ZNF100: variants seen among roughly 807,000 people sequenced by gnomAD.
ZNF100 encodes zinc finger protein 100 (Y1).
A neutral mutation model predicts 15.8 loss-of-function variants in ZNF100; 12 were observed. The observed-to-expected ratio is 0.76, with a 90% CI of 0.49 to 1.23. The LOEUF (loss-of-function observed/expected upper bound fraction) is 1.23. Ranked by LOEUF, ZNF100 falls within the 50% of genes most tolerant of loss-of-function variation. ZNF100 has a pLI of 0.00. For synonymous variants in ZNF100, 226 were observed against 214.8 expected (o/e 1.05, Z -0.45); for missense variants, 670 against 635.6 (o/e 1.05, Z -0.58).
chr19:21,740,791 A>C (rs1195476947), intron 4 of ZNF100, among the ~76,000 whole-genome samples: 1 of 152,238 alleles, frequency 6.6e-6, no homozygotes, highest in Non-Finnish European at 1.5e-5. Flanking sequence ...TGATGATGCA[A>C]TGAAAATGAA....
chr19:21,731,596 C>T (rs2035921411), intron 4 of ZNF100, among the ~76,000 whole-genome samples: 1 of 152,046 alleles, frequency 6.6e-6, no homozygotes, highest in Non-Finnish European at 1.5e-5. Flanking sequence ...CATGAGCCAC[C>T]GTGCCCGGCA....
chr19:21,728,569 A>G (rs1038954895), intron 4 of ZNF100, among the ~76,000 whole-genome samples: 3 of 152,054 alleles, frequency 2.0e-5, no homozygotes, highest in African/African-American at 7.2e-5. Context: ...TCCTTTAACT[A>G]AAAGAGAAAG....
At chr19:21,764,947 T>C (rs2036536120) in intron 2 of ZNF100, among the ~76,000 whole-genome samples, 1 of 152,150 alleles carries the variant, frequency 6.6e-6, no homozygotes, top group Admixed American at 6.6e-5. Flanking sequence ...AAAACTAAAA[T>C]TGAGAGATTT....
intron 2 of ZNF100, among the ~76,000 whole-genome samples, chr19:21,747,844 G>A (rs574653466): frequency 1.3e-5 from 2 of 152,310 alleles, no homozygotes; most frequent in South Asian, 4.1e-4. Flanking sequence ...GCACTGTGCT[G>A]GGCATAACAT....
In ZNF100 at chr19:21,724,187, AAGC is replaced by A. The variant is rs1273603788; in HGVS notation, c.*2493_*2495del. On this transcript the variant is annotated 3_prime_UTR_variant, in exon 5 of 5. Transcript: ENST00000358296. ...AATGTACAGTAATAAATTCAATACA[AAGC>A]AGAGAATACATTTTCTTTTAGCATT... is the stretch of plus-strand genomic sequence containing the variant. 1.3e-5 allele frequency: 2 copies of A among 152,190 alleles called. No homozygotes were observed. Among genetic ancestry groups the A allele is most frequent in the African/African-American group, 4.8e-5 (2 of 41,466 alleles). The allele number at this position is 152,190 out of a possible 1,614,324, so 9.4% of individuals were successfully genotyped here.
chr19:21,745,416 G>C (rs1361618632), intron 2 of ZNF100, among the ~76,000 whole-genome samples: 2 of 152,060 alleles, frequency 1.3e-5, no homozygotes, highest in African/African-American at 4.8e-5. Flanking sequence ...TGTTGAGTTA[G>C]AAGGCACCTC....
At chr19:21,735,731 C>T (rs1460804265) in intron 4 of ZNF100, among the ~76,000 whole-genome samples, 3 of 152,122 alleles carry the variant, frequency 2.0e-5, no homozygotes, top group African/African-American at 7.2e-5. Flanking sequence ...CAAGGAAGGA[C>T]ACTACATAAT....
At position 21,727,722 on chromosome 19, in the gene ZNF100, A is replaced by G. The variant is rs376582989; in HGVS notation, c.590T>C (p.Ile197Thr). The change falls in exon 5 of 5, where the codon ATA becomes ACA. Residue 197 changes from isoleucine to threonine, a missense_variant. By Grantham distance (89) the Ile-to-Thr change is moderately conservative (BLOSUM62 -1). Coordinates refer to ENST00000358296, the MANE Select transcript of ZNF100 (RefSeq NM_173531.4). The part of the protein sequence containing the change: ...HTFSNSNRHK[I>T]RHTRKKPFKC... ...GAAAGGTTTCTTTCTAGTATGTCTT[A>G]TCTTATGTCTGTTTGAATTTGAAAA... is the stretch of plus-strand genomic sequence containing the variant. 6.8e-6 allele frequency: 11 copies of G among 1,611,950 alleles called. No individual in the cohort carries two copies. The highest frequency in any genetic ancestry group is 4.5e-5 in the East Asian group (2 of 44,836).
intron 4 of ZNF100, among the ~76,000 whole-genome samples, chr19:21,728,692 G>T (rs1368941529): frequency 1.3e-5 from 2 of 151,916 alleles, no homozygotes; most frequent in Admixed American, 1.3e-4. Flanking sequence ...TAAAGATTGT[G>T]ACAGGTAGCC....
intron 4 of ZNF100, among the ~76,000 whole-genome samples, chr19:21,743,440 A>G (rs900941759): frequency 2.0e-5 from 3 of 152,216 alleles, no homozygotes; most frequent in African/African-American, 7.2e-5. Flanking sequence ...ATTTATAAGA[A>G]ACTGCAATAA....
At chr19:21,743,396 TTTTTTCCACAGTA>T (rs2036154092) in intron 4 of ZNF100, among the ~76,000 whole-genome samples, 1 of 152,204 alleles carries the variant, frequency 6.6e-6, no homozygotes, top group South Asian at 2.1e-4. Context: ...CCAGTGGCAT[TTTTTTCCACAGTA>T]ATAAAAAATA....
At position 21,724,807 on chromosome 19, in the gene ZNF100, T is replaced by C. The variant is rs1003394213; in HGVS notation, c.*1876A>G. The C allele has an allele frequency of 2.0e-5, 3 of 152,140 alleles. No homozygotes were observed. Among genetic ancestry groups the C allele is most frequent in the Non-Finnish European group, 2.9e-5 (2 of 68,016 alleles). 9.4% of individuals were successfully genotyped at this position (152,140 alleles called of 1,614,324 possible). A position where few individuals can be genotyped will look rare whatever the true frequency, so the allele number is the denominator to read the frequency against. ...TGGCTCATGCCTGTAATCCCAGAAC[T>C]TTGGGAAGCCGAGGCAGGCAAATCA... On this transcript the variant is annotated 3_prime_UTR_variant, in exon 5 of 5. Coordinates refer to ENST00000358296, the MANE Select transcript of ZNF100 (RefSeq NM_173531.4).
At chr19:21,766,313 C>T (rs1599413937) in intron 1 of ZNF100, among the ~76,000 whole-genome samples, 1 of 151,322 alleles carries the variant, frequency 6.6e-6, no homozygotes, top group East Asian at 2.0e-4. Flanking sequence ...CTGCTTGGGA[C>T]ACAGGTGAAA....
intron 2 of ZNF100, among the ~76,000 whole-genome samples, chr19:21,761,528 A>G (rs1378176874): frequency 6.6e-6 from 1 of 152,234 alleles, no homozygotes; most frequent in Non-Finnish European, 1.5e-5. Flanking sequence ...GTTCCTGGCT[A>G]GCGGTAAATA....
rs755626997 is a variant in ZNF100 at position 21,726,853 on chromosome 19, A to C, written c.1459T>G (p.Cys487Gly). ...TTAAAAGCTTTGCCACATTCCTCAC[A>C]TTTGTAGGGTTTCTCTCCAGTATGA... ...MIHTGEKPYK[C>G]EECGKAFNRS... Residue 487 changes from cysteine to glycine, a missense_variant, in exon 5 of 5, where the codon TGT becomes GGT. Cys to Gly is a radical substitution (Grantham distance 159). Transcript: ENST00000358296. 1.2e-5 allele frequency: 20 copies of C among 1,613,306 alleles called. No individual in the cohort carries two copies. In the South Asian group the frequency reaches 2.1e-4, roughly 17 times the overall value.
intron 3 of ZNF100, 121 bp from the exon 4 acceptor site, chr19:21,744,236 A>C: frequency 1.1e-6 from 1 of 904,706 alleles, no homozygotes; most frequent in Non-Finnish European, 1.5e-6. Context: ...GTACTAATTA[A>C]TGAGAGAAAT....
At position 21,726,269 on chromosome 19, in the gene ZNF100, AGT is replaced by A. The variant is rs1166870357; in HGVS notation, c.*412_*413del. 1 of 165,596 alleles carries A rather than the reference AGT, an allele frequency of 6.0e-6. No individual in the cohort carries two copies. Among genetic ancestry groups the A allele is most frequent in the Non-Finnish European group, 1.3e-5 (1 of 76,512 alleles). 10.3% of individuals were successfully genotyped at this position (165,596 alleles called of 1,614,324 possible). A position where few individuals can be genotyped will look rare whatever the true frequency, so the allele number is the denominator to read the frequency against. ...GAGCATGTATTAATGGCTTTTTCAC[AGT>A]CTTTATATTTGTACAATATTTCTCA... On this transcript the variant is annotated 3_prime_UTR_variant, in exon 5 of 5. Coordinates refer to ENST00000358296, the MANE Select transcript of ZNF100 (RefSeq NM_173531.4).
chr19:21,726,028 T>C lies in ZNF100; in HGVS notation c.*655A>G, dbSNP rs572011911. The stretch of plus-strand genomic sequence containing the variant: ...TTTTTTCAATATAAATTCCCTGATA[T>C]TGAACAAAGTTTGAGCAACTGCTTC... On this transcript the variant is annotated 3_prime_UTR_variant, in exon 5 of 5. Transcript: ENST00000358296. 1 of 152,276 alleles carries C rather than the reference T, an allele frequency of 6.6e-6. No individual in the cohort carries two copies. Among genetic ancestry groups the C allele is most frequent in the East Asian group, 1.9e-4 (1 of 5,192 alleles). The allele number at this position is 152,276 out of a possible 1,614,324, so 9.4% of individuals were successfully genotyped here.
At chr19:21,750,665 G>A (rs2036288279) in intron 2 of ZNF100, 2 of 225,818 alleles carry the variant, frequency 8.9e-6, no homozygotes, top group Admixed American at 5.7e-5. Context: ...AGCGTGCAGG[G>A]AGGCCGGAGC....
Sources: allele counts gnomAD v4.1 joint callset (sites outside exome capture counted in the v4.1 genomes callset), GRCh38; gene constraint gnomAD v4.1.1; transcripts MANE v1.5; gene names NCBI Gene and HGNC (gene_info 2026-07-23, HGNC 2026-07-21).